Variants in TCF4 observed in about 807,000 individuals in gnomAD.
TCF4 encodes transcription factor 4.
TCF4 carries 3 observed loss-of-function variants against 82.1 expected under a neutral mutation model. The observed-to-expected ratio is 0.04, with a 90% CI of 0.02 to 0.09. TCF4 has a LOEUF of 0.09. Among genes scored for constraint, TCF4 ranks in the 10% least tolerant of loss-of-function variants. TCF4 has a pLI of 1.00. For missense variants in TCF4, 518 were observed against 852.7 expected, an observed-to-expected ratio of 0.61 and a Z score of 4.89; for synonymous variants, 276 against 309.6, an observed-to-expected ratio of 0.89 and a Z score of 1.14.
intron 8 of TCF4, among the ~76,000 whole-genome samples, chr18:55,340,002 A>C (rs2079498766): frequency 6.6e-6 from 1 of 152,200 alleles, no homozygotes; most frequent in African/African-American, 2.4e-5. Context: ...AGGTCTACCT[A>C]GTCCACACAT....
intron 2 of TCF4, among the ~76,000 whole-genome samples, chr18:55,608,580 G>T (rs919118470): frequency 4.4e-4 from 67 of 152,186 alleles, no homozygotes; most frequent in South Asian, 6.2e-4. Context: ...TTTGTGACTT[G>T]TCTCAAGATT....
intron 8 of TCF4, among the ~76,000 whole-genome samples, chr18:55,334,648 A>G (rs1011743056): frequency 4.6e-5 from 7 of 152,156 alleles, no homozygotes; most frequent in African/African-American, 1.4e-4. Context: ...AAAATAAGTG[A>G]TACCAGTAAT....
intron 3 of TCF4, among the ~76,000 whole-genome samples, chr18:55,518,566 T>A (rs1259004241): frequency 2.0e-5 from 3 of 152,172 alleles, no homozygotes; most frequent in Non-Finnish European, 4.4e-5. Flanking sequence ...CAAAAGTATG[T>A]AAGCACTGAA....
intron 6 of TCF4, among the ~76,000 whole-genome samples, chr18:55,354,982 C>G (rs1429264294): frequency 2.6e-5 from 4 of 152,134 alleles, no homozygotes; most frequent in Non-Finnish European, 5.9e-5. Context: ...GAAAAGCAGT[C>G]TCAGATGAAA....
upstream of TCF4, among the ~76,000 whole-genome samples, chr18:55,591,811 C>T (rs1018908361): frequency 6.6e-6 from 1 of 152,200 alleles, no homozygotes; most frequent in Non-Finnish European, 1.5e-5. Flanking sequence ...GCCACTGCAC[C>T]CAGCCCCCTT....
At chr18:55,367,711 C>T (rs1187967297) in intron 6 of TCF4, among the ~76,000 whole-genome samples, 1 of 152,152 alleles carries the variant, frequency 6.6e-6, no homozygotes, top group Non-Finnish European at 1.5e-5. Context: ...AAACAGTTGC[C>T]TCTTCTAGTG....
At chr18:55,414,757 C>T (rs1264135154) in intron 5 of TCF4, among the ~76,000 whole-genome samples, 19 of 152,162 alleles carry the variant, frequency 1.2e-4, no homozygotes, top group African/African-American at 4.8e-5. Context: ...AGTAAAGAGA[C>T]CATCAGTGAT....
chr18:55,505,865 A>C (rs1352429779), intron 3 of TCF4, among the ~76,000 whole-genome samples: 6 of 152,116 alleles, frequency 3.9e-5, no homozygotes, highest in Admixed American at 3.3e-4. Context: ...ACCAACCTTC[A>C]AATCTGGGAA....
chr18:55,472,677 A>G (rs2096210530), intron 3 of TCF4, among the ~76,000 whole-genome samples: 1 of 152,220 alleles, frequency 6.6e-6, no homozygotes, highest in Non-Finnish European at 1.5e-5. Context: ...GTTTTCTTGG[A>G]GAGTAAACAT....
At chr18:55,568,177 A>C (rs897228873) in intron 3 of TCF4, among the ~76,000 whole-genome samples, 1 of 151,620 alleles carries the variant, frequency 6.6e-6, no homozygotes, top group Non-Finnish European at 1.5e-5. Context: ...AAAAAAAAAA[A>C]AACAGAATAA....
At chr18:55,556,273 A>C (rs1219166594) in intron 3 of TCF4, among the ~76,000 whole-genome samples, 2 of 152,200 alleles carry the variant, frequency 1.3e-5, no homozygotes, top group Non-Finnish European at 2.9e-5. Context: ...GCTCAAGAGC[A>C]ATAGTGTTTA....
intron 6 of TCF4, among the ~76,000 whole-genome samples, chr18:55,402,860 TA>T (rs1451419207): frequency 2.0e-5 from 3 of 152,208 alleles, no homozygotes; most frequent in African/African-American, 7.2e-5. Context: ...ATTATTTAAT[TA>T]AAGTACTCTT....
chr18:55,387,940 T>A lies in TCF4; in HGVS notation c.369+15514A>T, dbSNP rs912854890. 5.3e-5 allele frequency among the ~76,000 whole-genome samples: 8 copies of A among 152,172 alleles called. No homozygotes were observed. In the South Asian group the frequency reaches 1.7e-3, roughly 32 times the overall value. ...AGGAATTTTACTTGTATTGTGTGGC[T>A]GTGTCTGAGCAAGGTCTGCTTGCTG... On this transcript the variant is annotated intron_variant, in intron 6 of 19. Coordinates refer to ENST00000354452, the MANE Select transcript of TCF4 (RefSeq NM_001083962.2).
intron 3 of TCF4, among the ~76,000 whole-genome samples, chr18:55,467,530 T>A (rs1011760605): frequency 2.6e-5 from 4 of 152,160 alleles, no homozygotes; most frequent in African/African-American, 9.6e-5. Flanking sequence ...ACTACTCCAC[T>A]GTAACACAAG....
intron 6 of TCF4, among the ~76,000 whole-genome samples, chr18:55,358,494 C>T (rs1479252775): frequency 6.6e-6 from 1 of 152,200 alleles, no homozygotes; most frequent in African/African-American, 2.4e-5. Context: ...CCTTTACATG[C>T]TAACAAGGCA....
chr18:55,454,075 C>T (rs1272492415), intron 5 of TCF4, among the ~76,000 whole-genome samples: 1 of 152,130 alleles, frequency 6.6e-6, no homozygotes, highest in Non-Finnish European at 1.5e-5. Context: ...GTTGCCCAGG[C>T]TGGTCTCAAA....
At chr18:55,318,380 C>G (rs912294110) in intron 8 of TCF4, among the ~76,000 whole-genome samples, 1 of 151,842 alleles carries the variant, frequency 6.6e-6, no homozygotes, top group Admixed American at 6.6e-5. Context: ...ATTTCCAACA[C>G]AAAATAAGCT....
At chr18:55,330,335 A>G (rs2077320846) in intron 8 of TCF4, among the ~76,000 whole-genome samples, 1 of 151,574 alleles carries the variant, frequency 6.6e-6, no homozygotes, top group Non-Finnish European at 1.5e-5. Flanking sequence ...GTGTGCCACC[A>G]TGCCCAGATA....
chr18:55,599,154 A>G (rs987735670), intron 2 of TCF4, among the ~76,000 whole-genome samples: 4 of 152,228 alleles, frequency 2.6e-5, no homozygotes, highest in African/African-American at 7.2e-5. Flanking sequence ...AGGCTTCTCA[A>G]CTGGTGGGGA....
Sources: gnomAD v4.1 joint callset for allele counts (sites outside exome capture counted in the v4.1 genomes callset) on GRCh38, gnomAD v4.1.1 for gene constraint, MANE v1.5 for transcripts, NCBI Gene and HGNC (gene_info 2026-07-23, HGNC 2026-07-21) for gene names.